SLC24A2: variants seen among roughly 807,000 people sequenced by gnomAD.
SLC24A2 encodes sodium/potassium/calcium exchanger 2.
A neutral mutation model predicts 62.0 loss-of-function variants in SLC24A2; 36 were observed. The observed-to-expected ratio is 0.58, with a 90% CI of 0.44 to 0.77. SLC24A2 has a LOEUF of 0.77. Ranked by LOEUF, SLC24A2 falls within the 30% of genes least tolerant of loss-of-function variation. The pLI, the probability that SLC24A2 is intolerant of heterozygous loss-of-function variation, is 0.00. For synonymous variants in SLC24A2, 358 were observed against 294.0 expected (o/e 1.22, Z -2.23); for missense variants, 846 against 817.9 (o/e 1.03, Z -0.42).
chr9:20,219,599 C>T, the SLC24A2 span, among the ~76,000 whole-genome samples: 1 of 152,172 alleles, frequency 6.6e-6, no homozygotes, highest in South Asian at 2.1e-4. Context: ...GATTATTAAA[C>T]TTTAGGTGAA....
the SLC24A2 span, among the ~76,000 whole-genome samples, chr9:19,961,892 A>C: frequency 6.6e-6 from 1 of 152,220 alleles, no homozygotes; most frequent in East Asian, 1.9e-4. Flanking sequence ...CAGACTCTTC[A>C]AAAGAATGTA....
At chr9:20,164,569 A>G in the SLC24A2 span, among the ~76,000 whole-genome samples, 5 of 150,908 alleles carry the variant, frequency 3.3e-5, no homozygotes, top group African/African-American at 7.3e-5. Flanking sequence ...TGTGGAAGTC[A>G]GTGTGGCGAT....
the SLC24A2 span, among the ~76,000 whole-genome samples, chr9:20,298,087 C>T: frequency 6.6e-6 from 1 of 152,164 alleles, no homozygotes; most frequent in Admixed American, 6.5e-5. Flanking sequence ...GCAGGACAGC[C>T]ACAGAACTAG....
chr9:20,062,264 A>T, the SLC24A2 span, among the ~76,000 whole-genome samples: 8 of 152,102 alleles, frequency 5.3e-5, no homozygotes, highest in African/African-American at 1.7e-4. Context: ...TTAGTAACCA[A>T]AACAGCATGG....
At chr9:20,127,644 G>C in the SLC24A2 span, among the ~76,000 whole-genome samples, 1 of 152,244 alleles carries the variant, frequency 6.6e-6, no homozygotes, top group African/African-American at 2.4e-5. Context: ...CTTGAGGAAA[G>C]ACTTAAGTCA....
At chr9:20,031,581 C>G in the SLC24A2 span, among the ~76,000 whole-genome samples, 1 of 151,862 alleles carries the variant, frequency 6.6e-6, no homozygotes, top group African/African-American at 2.4e-5. Context: ...TTAAAAAAAT[C>G]AAAAGATCAC....
chr9:19,865,357 T>C, the SLC24A2 span, among the ~76,000 whole-genome samples: 2 of 152,070 alleles, frequency 1.3e-5, no homozygotes, highest in African/African-American at 2.4e-5. Context: ...CCCAAATTTA[T>C]ATGGAACCAC....
intron 2 of SLC24A2, among the ~76,000 whole-genome samples, chr9:19,767,210 T>C (rs1040444444): frequency 6.6e-6 from 1 of 152,208 alleles, no homozygotes; most frequent in African/African-American, 2.4e-5. Context: ...TTCAAGCCAG[T>C]GGATCTTAGC....
the SLC24A2 span, among the ~76,000 whole-genome samples, chr9:20,249,377 A>G: frequency 6.6e-6 from 1 of 152,108 alleles, no homozygotes; most frequent in South Asian, 2.1e-4. Context: ...GGACAATAAT[A>G]CTTAACTGTG....
intron 2 of SLC24A2, among the ~76,000 whole-genome samples, chr9:19,656,009 T>A (rs1043113774): frequency 2.6e-5 from 4 of 152,168 alleles, no homozygotes; most frequent in African/African-American, 7.2e-5. Flanking sequence ...AGAGCCTAAA[T>A]CACTGTCTCC....
intron 4 of SLC24A2, among the ~76,000 whole-genome samples, chr9:19,604,569 G>A (rs1013807834): frequency 6.6e-6 from 1 of 152,042 alleles, no homozygotes; most frequent in African/African-American, 2.4e-5. Flanking sequence ...CTACCCTCTG[G>A]TGCATGAAAG....
At chr9:19,661,273 AT>A (rs1819092204) in intron 2 of SLC24A2, among the ~76,000 whole-genome samples, 1 of 151,444 alleles carries the variant, frequency 6.6e-6, no homozygotes, top group African/African-American at 2.4e-5. Flanking sequence ...ATATTAACAT[AT>A]TTTTGCATAT....
chr9:19,975,328 T>C, the SLC24A2 span, among the ~76,000 whole-genome samples: 1 of 152,124 alleles, frequency 6.6e-6, no homozygotes, highest in African/African-American at 2.4e-5. Flanking sequence ...CCAAAGAAAC[T>C]ATGGCAATCT....
chr9:19,661,780 T>C (rs1232541343), intron 2 of SLC24A2, among the ~76,000 whole-genome samples: 1 of 152,236 alleles, frequency 6.6e-6, no homozygotes, highest in Non-Finnish European at 1.5e-5. Context: ...CCCTCTGTTG[T>C]AATTTTCCAT....
chr9:19,611,197 C>T (rs556994311), intron 4 of SLC24A2, among the ~76,000 whole-genome samples: 14 of 152,062 alleles, frequency 9.2e-5, no homozygotes, highest in African/African-American at 3.4e-4. Flanking sequence ...TGTAAGGGCC[C>T]TGAGGCAGGA....
At chr9:19,553,259 G>A (rs999133357) in intron 7 of SLC24A2, among the ~76,000 whole-genome samples, 5 of 152,178 alleles carry the variant, frequency 3.3e-5, no homozygotes, top group African/African-American at 1.2e-4. Context: ...GTTCAAACTG[G>A]ATGCTCCAGG....
At chr9:19,710,768 G>A (rs924243046) in intron 2 of SLC24A2, among the ~76,000 whole-genome samples, 11 of 152,104 alleles carry the variant, frequency 7.2e-5, no homozygotes, top group South Asian at 2.1e-4. Context: ...TAGGCAGATC[G>A]CTCTGGCCAC....
the SLC24A2 span, among the ~76,000 whole-genome samples, chr9:20,049,323 C>G: frequency 6.6e-6 from 1 of 152,186 alleles, no homozygotes; most frequent in African/African-American, 2.4e-5. Context: ...GTGTAACACT[C>G]CACTGAGTGA....
chr9:19,919,852 C>G, the SLC24A2 span, among the ~76,000 whole-genome samples: 2 of 152,104 alleles, frequency 1.3e-5, no homozygotes, highest in Non-Finnish European at 1.5e-5. Context: ...TAACCGCCCC[C>G]ATGATTCAAT....
Sources: allele counts gnomAD v4.1 joint callset (sites outside exome capture counted in the v4.1 genomes callset), GRCh38; gene constraint gnomAD v4.1.1; transcripts MANE v1.5; gene names NCBI Gene and HGNC (gene_info 2026-07-23, HGNC 2026-07-21).